The following STX11 variants were observed in gnomAD, a reference collection of about 807,000 sequenced individuals.
The protein encoded by STX11 is syntaxin 11, also known as syntaxin-11.
In STX11, 21 loss-of-function variants were observed where a neutral mutation model predicts 19.9. That is an observed-to-expected ratio of 1.06 (90% CI 0.75 to 1.52). The LOEUF is 1.52. STX11 is among the 40% of genes most tolerant of loss of function. The pLI, the probability that STX11 is intolerant of heterozygous loss-of-function variation, is 0.00. For synonymous variants in STX11, 193 were observed against 174.4 expected, an observed-to-expected ratio of 1.11 and a Z score of -0.84; for missense variants, 438 against 405.9, an observed-to-expected ratio of 1.08 and a Z score of -0.68.
intron 1 of STX11, among the ~76,000 whole-genome samples, chr6:144,173,844 A>C (rs960244221): frequency 6.6e-6 from 1 of 152,196 alleles, no homozygotes; most frequent in Non-Finnish European, 1.5e-5. Context: ...CTTAACAGTT[A>C]CATCACTGCT....
intron 1 of STX11, among the ~76,000 whole-genome samples, chr6:144,168,257 A>G (rs1234165711): frequency 1.3e-5 from 2 of 152,248 alleles, no homozygotes. Context: ...CATCTGCCTC[A>G]TTAACAATGG....
At position 144,187,576 on chromosome 6, in the gene STX11, A is replaced by C. The variant is rs542173684; in HGVS notation, c.*85A>C. 32 of 1,546,050 alleles carry C rather than the reference A, an allele frequency of 2.1e-5. No homozygotes were observed. The highest frequency in any genetic ancestry group is 1.4e-4 in the African/African-American group (10 of 73,198). On this transcript the variant is annotated 3_prime_UTR_variant, in exon 2 of 2. Transcript: ENST00000367568. The surrounding 1 kb of genome is among the most constrained non-coding windows in gnomAD (Gnocchi z 5.6). ...ACCAAAGCCGGGAGCTCTGCCCTGC[A>C]GGGAGTTGCCCCAACCCTTTCCGGA...
At chr6:144,164,060 ACCT>A (rs1396566277) in intron 1 of STX11, among the ~76,000 whole-genome samples, 1 of 152,218 alleles carries the variant, frequency 6.6e-6, no homozygotes, top group Non-Finnish European at 1.5e-5. Flanking sequence ...CACCAAGCTG[ACCT>A]CATCATATCA....
At position 144,184,821 on chromosome 6, in the gene STX11, C is replaced by T. The variant is rs1435182918; in HGVS notation, c.-5-1802C>T. On this transcript the variant is annotated intron_variant, in intron 1 of 1. Transcript: ENST00000367568. This position sits in a 1 kb window ranked among gnomAD's most constrained non-coding sequence, Gnocchi z 6.5. The stretch of plus-strand genomic sequence containing the variant: ...TTTACATCTTCTCTGAATTGCTTCA[C>T]TGTCTTTGGGTAAGTAGATTTTTTG... Among the ~76,000 whole-genome samples, 2 of 152,204 alleles carry T rather than the reference C, an allele frequency of 1.3e-5. No homozygotes were observed. The highest frequency in any genetic ancestry group is 2.9e-5 in the Non-Finnish European group (2 of 68,038).
In STX11 at chr6:144,189,893, G is replaced by GT. The variant is rs971243051; in HGVS notation, c.*2408dup. On this transcript the variant is annotated 3_prime_UTR_variant, in exon 2 of 2. Coordinates refer to ENST00000367568, the MANE Select transcript of STX11 (RefSeq NM_003764.4). ...AATGTTCACATAGCTCCACTGCAAT[G>GT]TTTTTTATAATAGAGGAGAGATATT... Among the ~76,000 whole-genome samples the GT allele has an allele frequency of 6.6e-6, 1 of 152,122 alleles. No individual in the cohort carries two copies. The highest frequency in any genetic ancestry group is 1.5e-5 in the Non-Finnish European group (1 of 68,018).
rs1173937324 is a variant in STX11, at chr6:144,165,446, AC to A, written c.-6+14744del. Reference sequence around the variant, plus strand: ...CTCCAGCCTGGGCAACAAGAACGAAACTCTGTCTCAAAAAAAAAAAGAAAAA... The same window carrying A: ...CTCCAGCCTGGGCAACAAGAACGAAATCTGTCTCAAAAAAAAAAAGAAAAA... On this transcript the variant is annotated intron_variant, in intron 1 of 1. Coordinates refer to ENST00000367568, the MANE Select transcript of STX11 (RefSeq NM_003764.4). The surrounding 1 kb of genome is among the most constrained non-coding windows in gnomAD (Gnocchi z 5.8). Among the ~76,000 whole-genome samples, 3 of 149,782 alleles carry A rather than the reference AC, an allele frequency of 2.0e-5. No homozygotes were observed. Among genetic ancestry groups the A allele is most frequent in the Admixed American group, 6.6e-5 (1 of 15,138 alleles).
At position 144,177,183 on chromosome 6, in the gene STX11, T is replaced by TA. The variant is rs1346389898; in HGVS notation, c.-5-9439dup. 3.3e-5 allele frequency among the ~76,000 whole-genome samples: 5 copies of TA among 152,228 alleles called. No individual in the cohort carries two copies. Among genetic ancestry groups the TA allele is most frequent in the Admixed American group, 6.5e-5 (1 of 15,278 alleles). ...TTTCAAAGATACTTCATGGAATAGT[T>TA]ACAAAATATAAAGGAATTACTTAAA... On this transcript the variant is annotated intron_variant, in intron 1 of 1. Coordinates refer to ENST00000367568, the MANE Select transcript of STX11 (RefSeq NM_003764.4). This position sits in a 1 kb window ranked among gnomAD's most constrained non-coding sequence, Gnocchi z 4.4.
Position 144,172,236 on chromosome 6 carries a change from C to G in STX11, c.-5-14387C>G, listed in dbSNP as rs1258640714. ...AAATGAGATAATCCATGTAAACCTTCCACAACAGTCTCTGGCAGATAGTAA... is the reference window on the plus strand; with the variant it reads ...AAATGAGATAATCCATGTAAACCTTGCACAACAGTCTCTGGCAGATAGTAA... On this transcript the variant is annotated intron_variant, in intron 1 of 1. Coordinates refer to ENST00000367568, the MANE Select transcript of STX11 (RefSeq NM_003764.4). The surrounding 1 kb of genome is among the most constrained non-coding windows in gnomAD (Gnocchi z 4.2). Among the ~76,000 whole-genome samples the G allele has an allele frequency of 5.9e-5, 9 of 152,176 alleles. No homozygotes were observed. The highest frequency in any genetic ancestry group is 1.3e-4 in the Non-Finnish European group (9 of 68,034).
At chr6:144,179,062 A>G (rs1180794602) in intron 1 of STX11, among the ~76,000 whole-genome samples, 2 of 152,184 alleles carry the variant, frequency 1.3e-5, no homozygotes, top group Non-Finnish European at 2.9e-5. Flanking sequence ...AGAACTTACA[A>G]TCATGGTGAG....
At chr6:144,143,934 C>A in the STX11 span, among the ~76,000 whole-genome samples, 6 of 152,050 alleles carry the variant, frequency 3.9e-5, no homozygotes, top group Non-Finnish European at 7.4e-5. Flanking sequence ...GGGAAAAGAC[C>A]CTAGCTTAAA....
intron 1 of STX11, among the ~76,000 whole-genome samples, chr6:144,166,341 T>C (rs1382328369): frequency 6.6e-6 from 1 of 152,164 alleles, no homozygotes; most frequent in Non-Finnish European, 1.5e-5. Flanking sequence ...AAGACATCAG[T>C]CCTCAGATTG....
Position 144,191,700 on chromosome 6 carries a change from C to T in STX11, c.*4209C>T, listed in dbSNP as rs542124486. Among the ~76,000 whole-genome samples, 14 of 152,132 alleles carry T rather than the reference C, an allele frequency of 9.2e-5. No homozygotes were observed. The highest frequency in any genetic ancestry group is 3.3e-4 in the Admixed American group (5 of 15,272). ...GTAATCAAGACGATAGTTTGAAACA[C>T]CCAATTGTAATCAGAGCAACAGTTG... On this transcript the variant is annotated 3_prime_UTR_variant, in exon 2 of 2. Coordinates refer to ENST00000367568, the MANE Select transcript of STX11 (RefSeq NM_003764.4).
At chr6:144,140,992 G>T in the STX11 span, among the ~76,000 whole-genome samples, 5 of 152,184 alleles carry the variant, frequency 3.3e-5, no homozygotes, top group Non-Finnish European at 7.3e-5. Context: ...TCTGTAAAAG[G>T]CATGGCTTAT....
chr6:144,144,488 TG>T, the STX11 span, among the ~76,000 whole-genome samples: 6 of 152,212 alleles, frequency 3.9e-5, no homozygotes, highest in South Asian at 1.2e-3. Flanking sequence ...ATTTGTAAGA[TG>T]AGGCAGAGGT....
At chr6:144,186,592 A>G (rs769450355) in intron 1 of STX11, 31 bp from the exon 2 acceptor site, 5 of 1,613,570 alleles carry the variant, frequency 3.1e-6, no homozygotes, top group African/African-American at 2.7e-5. Flanking sequence ...CTCTCAATAG[A>G]GAAATTTAAC....
the STX11 span, among the ~76,000 whole-genome samples, chr6:144,140,412 G>A: frequency 3.3e-5 from 5 of 151,084 alleles, no homozygotes; most frequent in Non-Finnish European, 5.9e-5. Context: ...ACGCCACCAC[G>A]CCTGGCTAAT....
Position 144,191,659 on chromosome 6 carries a change from T to G in STX11, c.*4168T>G, listed in dbSNP as rs1019173455. On this transcript the variant is annotated 3_prime_UTR_variant, in exon 2 of 2. Coordinates refer to ENST00000367568, the MANE Select transcript of STX11 (RefSeq NM_003764.4). ...ATGCGAAGTATCTCCAACTGCAGCA[T>G]GCAACTCATTCATTTGTAATCAAGA... Among the ~76,000 whole-genome samples the G allele has an allele frequency of 4.6e-5, 7 of 152,236 alleles. No individual in the cohort carries two copies. Among genetic ancestry groups the G allele is most frequent in the African/African-American group, 1.7e-4 (7 of 41,460 alleles).
chr6:144,140,248 ATATATATTTATT>A, the STX11 span, among the ~76,000 whole-genome samples: 13 of 44,996 alleles, frequency 2.9e-4, no homozygotes, highest in South Asian at 1.8e-3. Flanking sequence ...ATATATATAT[ATATATATTTATT>A]TATTTATTTT....
In STX11 at chr6:144,151,343, C is replaced by CAG. The variant is rs1801001991; in HGVS notation, c.-6+640_-6+641insAG. The CAG allele has an allele frequency of 1.0e-6, 1 of 985,308 alleles. No individual in the cohort carries two copies. The highest frequency in any genetic ancestry group is 1.7e-5 in the African/African-American group (1 of 57,232). The allele number at this position is 985,308 out of a possible 1,614,324, so 61.0% of individuals were successfully genotyped here. On this transcript the variant is annotated intron_variant, in intron 1 of 1. Coordinates refer to ENST00000367568, the MANE Select transcript of STX11 (RefSeq NM_003764.4). This position sits in a 1 kb window ranked among gnomAD's most constrained non-coding sequence, Gnocchi z 4.6. ...ACACCAGCTGAGATCTGTATTACTT[C>CAG]CTGTGGTTCTCACGCACTTGTTTCA...
Sources: allele counts gnomAD v4.1 joint callset (sites outside exome capture counted in the v4.1 genomes callset), GRCh38; gene constraint gnomAD v4.1.1; non-coding constraint Gnocchi (gnomAD v3.1); transcripts MANE v1.5; gene names NCBI Gene and HGNC (gene_info 2026-07-23, HGNC 2026-07-21).